The following FNDC3B variants were observed in gnomAD, a reference collection of about 807,000 sequenced individuals.
The protein encoded by FNDC3B is fibronectin type III domain-containing protein 3B.
A neutral mutation model predicts 151.5 loss-of-function variants in FNDC3B; 12 were observed. That is an observed-to-expected ratio of 0.08 (90% CI 0.05 to 0.13). FNDC3B has a LOEUF of 0.13. Among genes scored for constraint, FNDC3B ranks in the 10% least tolerant of loss-of-function variants. FNDC3B has a pLI of 1.00. For synonymous variants in FNDC3B, 528 were observed against 549.0 expected, an observed-to-expected ratio of 0.96 and a Z score of 0.54; for missense variants, 1,214 against 1,505.3, an observed-to-expected ratio of 0.81 and a Z score of 3.20.
At chr3:172,059,057 C>A (rs1167886446) in intron 1 of FNDC3B, among the ~76,000 whole-genome samples, 1 of 152,176 alleles carries the variant, frequency 6.6e-6, no homozygotes, top group Non-Finnish European at 1.5e-5. Flanking sequence ...AAACCAACAT[C>A]TTCCATAATG....
chr3:172,391,947 AAAT>A (rs1409883024), intron 25 of FNDC3B, among the ~76,000 whole-genome samples: 6 of 152,052 alleles, frequency 3.9e-5, no homozygotes, highest in Admixed American at 3.9e-4. Context: ...TAAATTAAGA[AAAT>A]AAAGAACACT....
intron 3 of FNDC3B, among the ~76,000 whole-genome samples, chr3:172,177,626 C>CGTTTTTTTTTTT (rs1723666588): frequency 2.4e-5 from 2 of 84,820 alleles, no homozygotes; most frequent in Admixed American, 1.3e-4. Context: ...TTACCACCAT[C>CGTTTTTTTTTTT]TTTTTTTTTT....
In FNDC3B at chr3:172,133,458, G is replaced by A; in HGVS notation, c.112-13G>A. On this transcript the variant is annotated splice_polypyrimidine_tract_variant and intron_variant, in intron 2 of 25. Coordinates refer to ENST00000415807, the MANE Select transcript of FNDC3B (RefSeq NM_022763.4). ...TCCAGTATTAAACTGAAATTAATGTGTTGTTTTGGCAGGTTATTCTCGTTC... is the reference window on the plus strand; with the variant it reads ...TCCAGTATTAAACTGAAATTAATGTATTGTTTTGGCAGGTTATTCTCGTTC... 6.2e-7 allele frequency: 1 copy of A among 1,605,932 alleles called. No homozygotes were observed. The highest frequency in any genetic ancestry group is 8.5e-7 in the Non-Finnish European group (1 of 1,173,702).
chr3:172,331,950 G>T (rs1732701227), intron 13 of FNDC3B, among the ~76,000 whole-genome samples: 2 of 152,098 alleles, frequency 1.3e-5, no homozygotes, highest in South Asian at 2.1e-4. Flanking sequence ...ATGCATGTTG[G>T]CCTATAGTAT....
intron 3 of FNDC3B, among the ~76,000 whole-genome samples, chr3:172,211,592 G>T (rs893748533): frequency 1.3e-5 from 2 of 152,202 alleles, no homozygotes; most frequent in Admixed American, 6.5e-5. Flanking sequence ...GATGATTTTT[G>T]CCTGTAGAAG....
Position 172,346,391 on chromosome 3 carries a change from C to T in FNDC3B, c.2315C>T (p.Ala772Val), listed in dbSNP as rs145337459. 1.8e-5 allele frequency: 29 copies of T among 1,613,626 alleles called. No individual in the cohort carries two copies. Among genetic ancestry groups the T allele is most frequent in the African/African-American group, 2.7e-5 (2 of 74,926 alleles). The change falls in exon 20 of 26, where the codon GCA becomes GTA. Residue 772 changes from alanine (A) to valine (V), a missense_variant. This residue lies in a region of FNDC3B where 380 missense variants were observed against 420.9 expected (regional missense o/e 0.90). Coordinates refer to ENST00000415807, the MANE Select transcript of FNDC3B (RefSeq NM_022763.4). The part of the protein sequence containing the change: ...TAAGPPGQCK[A>V]PCISCTPDGC... Reference sequence around the variant, plus strand: ...GCAGGGCCTCCTGGACAATGCAAAGCACCTTGTATTTCTTGTACACCTGAT... The same window carrying T: ...GCAGGGCCTCCTGGACAATGCAAAGTACCTTGTATTTCTTGTACACCTGAT...
At chr3:172,140,637 A>G (rs1284985171) in intron 3 of FNDC3B, among the ~76,000 whole-genome samples, 1 of 152,260 alleles carries the variant, frequency 6.6e-6, no homozygotes, top group East Asian at 1.9e-4. Flanking sequence ...CCCAGAGCAG[A>G]AAGTCCAGGT....
chr3:172,042,273 G>A lies in FNDC3B; in HGVS notation c.-29+2502G>A, dbSNP rs563491852. ...GGTTATATTGGAGAGCCAGTCTTCT[G>A]CGGTTTCTTGAAGAATGCTTGGGAT... On this transcript the variant is annotated intron_variant, in intron 1 of 25. Transcript: ENST00000415807. Among the ~76,000 whole-genome samples, 3 of 152,316 alleles carry A rather than the reference G, an allele frequency of 2.0e-5. No individual in the cohort carries two copies. In the East Asian group the frequency reaches 5.8e-4, roughly 29 times the overall value.
intron 9 of FNDC3B, among the ~76,000 whole-genome samples, chr3:172,300,922 G>A (rs367675603): frequency 6.6e-6 from 1 of 152,066 alleles, no homozygotes; most frequent in African/African-American, 2.4e-5. Flanking sequence ...TTACAGTCTT[G>A]TCTTTTTTAG....
At chr3:172,297,029 A>G (rs964143343) in intron 8 of FNDC3B, among the ~76,000 whole-genome samples, 20 of 152,168 alleles carry the variant, frequency 1.3e-4, no homozygotes, top group African/African-American at 4.3e-4. Flanking sequence ...AACATACATG[A>G]GCAAAGTGGA....
At chr3:172,196,638 C>A (rs1424661299) in intron 3 of FNDC3B, among the ~76,000 whole-genome samples, 1 of 152,010 alleles carries the variant, frequency 6.6e-6, no homozygotes, top group East Asian at 1.9e-4. Context: ...TGTGATCTGA[C>A]CCCTGGGAGA....
At chr3:172,264,213 C>G (rs992674682) in intron 6 of FNDC3B, among the ~76,000 whole-genome samples, 1 of 152,100 alleles carries the variant, frequency 6.6e-6, no homozygotes, top group Non-Finnish European at 1.5e-5. Context: ...CCCAGGTGGT[C>G]TCGAACTCCT....
At chr3:172,341,016 G>T (rs576814479) in intron 16 of FNDC3B, 97 bp from the exon 17 acceptor site, 1 of 810,464 alleles carries the variant, frequency 1.2e-6, no homozygotes, top group Non-Finnish European at 2.1e-6. Flanking sequence ...GAAGATGTTG[G>T]TTTTCATGAA....
chr3:172,372,102 A>G (rs1002085154), intron 23 of FNDC3B, among the ~76,000 whole-genome samples: 2 of 152,198 alleles, frequency 1.3e-5, no homozygotes, highest in African/African-American at 4.8e-5. Flanking sequence ...TATAGAACGC[A>G]CCATTACCAG....
Position 172,251,312 on chromosome 3 carries a change from C to T in FNDC3B, c.561C>T (p.Tyr187=). 2 of 1,613,646 alleles carry T rather than the reference C, an allele frequency of 1.2e-6. No individual in the cohort carries two copies. The highest frequency in any genetic ancestry group is 4.5e-5 in the East Asian group (2 of 44,868). ...CCTACATCACCCGAGAAGACCAGTA[C>T]AGCAAGCCTCCGCACAAAAAACTGA... ...MSTYITREDQ[Y]SKPPHKKLKD... The change falls in exon 6 of 26, where the codon TAC becomes TAT. Residue 187 remains tyrosine (Y), a synonymous_variant. Transcript: ENST00000415807.
intron 2 of FNDC3B, among the ~76,000 whole-genome samples, chr3:172,116,151 A>G (rs1212179255): frequency 6.6e-6 from 1 of 152,234 alleles, no homozygotes; most frequent in African/African-American, 2.4e-5. Context: ...TTAAAAAGAA[A>G]AGTCATCCTC....
At chr3:172,262,048 C>T (rs1728673641) in intron 6 of FNDC3B, among the ~76,000 whole-genome samples, 1 of 152,048 alleles carries the variant, frequency 6.6e-6, no homozygotes, top group African/African-American at 2.4e-5. Context: ...ATGAGAAGGG[C>T]TTCAGAGGAA....
chr3:172,313,963 C>T (rs1326476475), intron 11 of FNDC3B, among the ~76,000 whole-genome samples: 8 of 152,126 alleles, frequency 5.3e-5, no homozygotes, highest in Non-Finnish European at 1.2e-4. Context: ...TTGGGTCCCA[C>T]ATTCCTATGC....
chr3:172,179,797 C>T (rs375281040), intron 3 of FNDC3B, among the ~76,000 whole-genome samples: 14 of 137,254 alleles, frequency 1.0e-4, no homozygotes, highest in African/African-American at 3.0e-4. Flanking sequence ...GTAGGAGGAT[C>T]ATTTGAGCCC....
Sources: allele counts gnomAD v4.1 joint callset (sites outside exome capture counted in the v4.1 genomes callset), GRCh38; gene constraint gnomAD v4.1.1; regional missense constraint gnomAD v4.1.1; transcripts MANE v1.5; gene names NCBI Gene and HGNC (gene_info 2026-07-23, HGNC 2026-07-21).